CFAP77: variants seen among roughly 807,000 people sequenced by gnomAD.
CFAP77 encodes cilia- and flagella-associated protein 77.
In CFAP77, 25 loss-of-function variants were observed where a neutral mutation model predicts 31.1. The observed-to-expected ratio is 0.80, with a 90% CI of 0.59 to 1.12. The LOEUF (loss-of-function observed/expected upper bound fraction) is 1.12, where lower values mean the gene tolerates loss of function less well. Among genes scored for constraint, CFAP77 ranks in the 50% most tolerant of loss-of-function variants. The pLI, the probability that CFAP77 is intolerant of heterozygous loss-of-function variation, is 0.00. For missense variants in CFAP77, 377 were observed against 397.3 expected (o/e 0.95, Z 0.44); for synonymous variants, 151 against 159.9 (o/e 0.94, Z 0.42).
At chr9:132,532,176 G>A (rs528096850) in intron 3 of CFAP77, among the ~76,000 whole-genome samples, 17 of 152,332 alleles carry the variant, frequency 1.1e-4, no homozygotes, top group East Asian at 3.9e-4. Context: ...GCGCAGGGGC[G>A]GCAGCTGGAA....
At position 132,565,524 on chromosome 9, in the gene CFAP77, G is replaced by A. The variant is rs1279237249; in HGVS notation, c.733-6864G>A. On this transcript the variant is annotated intron_variant, in intron 5 of 5. Coordinates refer to ENST00000393216, the MANE Select transcript of CFAP77 (RefSeq NM_001282957.2). The surrounding 1 kb of genome is among the most constrained non-coding windows in gnomAD (Gnocchi z 4.1). ...CAGACACCTGTAATCCCAGCTACTC[G>A]GGAGGCTGAGGAAGGAGGATCGCTT... Among the ~76,000 whole-genome samples, 3 of 152,010 alleles carry A rather than the reference G, an allele frequency of 2.0e-5. No individual in the cohort carries two copies. The highest frequency in any genetic ancestry group is 6.6e-5 in the Admixed American group (1 of 15,258).
At chr9:132,447,599 G>A (rs973131398) in intron 1 of CFAP77, among the ~76,000 whole-genome samples, 4 of 152,332 alleles carry the variant, frequency 2.6e-5, no homozygotes, top group African/African-American at 7.2e-5. Flanking sequence ...CGGTCGGTCC[G>A]CGTAGATCAG....
chr9:132,457,174 G>A (rs1401396288), intron 1 of CFAP77, among the ~76,000 whole-genome samples: 1 of 151,982 alleles, frequency 6.6e-6, no homozygotes, highest in East Asian at 1.9e-4. Context: ...TGAGGCCAAG[G>A]TTTGCGTATT....
rs536357463 is a variant in CFAP77 at position 132,490,556 on chromosome 9, C to T, written c.196-8139C>T. ...CTTCTAGAAGGCCCCACTGGACAAG[C>T]TGGGGAGGGAGGCCAAGGGTCAGCG... On this transcript the variant is annotated intron_variant, in intron 1 of 5. Coordinates refer to ENST00000393216, the MANE Select transcript of CFAP77 (RefSeq NM_001282957.2). This position sits in a 1 kb window ranked among gnomAD's most constrained non-coding sequence, Gnocchi z 4.6. 6.6e-6 allele frequency among the ~76,000 whole-genome samples: 1 copy of T among 152,276 alleles called. No homozygotes were observed. The highest frequency in any genetic ancestry group is 1.5e-5 in the Non-Finnish European group (1 of 68,004).
chr9:132,543,509 G>A (rs1174890223), intron 5 of CFAP77, among the ~76,000 whole-genome samples: 1 of 151,416 alleles, frequency 6.6e-6, no homozygotes, highest in African/African-American at 2.4e-5. Flanking sequence ...CTGGGGCAGA[G>A]GCTGTTCACC....
At chr9:132,504,086 C>T (rs890393666) in intron 3 of CFAP77, among the ~76,000 whole-genome samples, 8 of 152,258 alleles carry the variant, frequency 5.3e-5, no homozygotes, top group Admixed American at 5.2e-4. Flanking sequence ...CTTGTGATCA[C>T]CTGGTTCAAA....
chr9:132,495,825 C>T lies in CFAP77; in HGVS notation c.196-2870C>T, dbSNP rs959069056. Among the ~76,000 whole-genome samples the T allele has an allele frequency of 6.6e-6, 1 of 152,190 alleles. No homozygotes were observed. The highest frequency in any genetic ancestry group is 2.4e-5 in the African/African-American group (1 of 41,438). ...CTTAAATGAAGAGGAAGAAAGCTAA[C>T]TCTATCTCTGCTCTCTGCCACGTGA... On this transcript the variant is annotated intron_variant, in intron 1 of 5. Transcript: ENST00000393216. The surrounding 1 kb of genome is among the most constrained non-coding windows in gnomAD (Gnocchi z 4.2).
rs1217734145 is a variant in CFAP77 at position 132,499,797 on chromosome 9, G to A, written c.524+197G>A. Among the ~76,000 whole-genome samples, 1 of 152,090 alleles carries A rather than the reference G, an allele frequency of 6.6e-6. No individual in the cohort carries two copies. Among genetic ancestry groups the A allele is most frequent in the Non-Finnish European group, 1.5e-5 (1 of 68,014 alleles). ...AGCTGGGTCCTGGCCTTATAGCAGG[G>A]TACCCTGTAGGGCTGTGCACAGGTC... is the stretch of plus-strand genomic sequence containing the variant. On this transcript the variant is annotated intron_variant, in intron 3 of 5. Coordinates refer to ENST00000393216, the MANE Select transcript of CFAP77 (RefSeq NM_001282957.2). This position sits in a 1 kb window ranked among gnomAD's most constrained non-coding sequence, Gnocchi z 5.4.
rs117406499 is a variant in CFAP77 at position 132,488,607 on chromosome 9, C to T, written c.196-10088C>T. ...GTGAAGCTCCAGGTCTAGAGACCTT[C>T]GTTCCTGGGTCCCAGGTAGCTTCGG... is the stretch of plus-strand genomic sequence containing the variant. On this transcript the variant is annotated intron_variant, in intron 1 of 5. Transcript: ENST00000393216. Among the ~76,000 whole-genome samples the T allele has an allele frequency of 1.5e-4, 23 of 152,348 alleles. No individual in the cohort carries two copies. In the East Asian group the frequency reaches 2.5e-3, roughly 17 times the overall value.
rs115813011 is a variant in CFAP77 at position 132,479,021 on chromosome 9, T to C, written c.196-19674T>C. On this transcript the variant is annotated intron_variant, in intron 1 of 5. Coordinates refer to ENST00000393216, the MANE Select transcript of CFAP77 (RefSeq NM_001282957.2). ...AGTTGCACCAAATCTGTCTATTTTA[T>C]AAGTTGGATCAAGACCATCGCTGGA... 1.9e-3 allele frequency among the ~76,000 whole-genome samples: 292 copies of C among 152,354 alleles called. 4 individuals are homozygous for C. Among genetic ancestry groups the C allele is most frequent in the African/African-American group, 6.6e-3 (276 of 41,574 alleles).
At chr9:132,548,781 A>C (rs1224208862) in intron 5 of CFAP77, among the ~76,000 whole-genome samples, 1 of 149,546 alleles carries the variant, frequency 6.7e-6, no homozygotes, top group African/African-American at 2.5e-5. Flanking sequence ...CCAACATTAC[A>C]TAGTCGTTCA....
At chr9:132,437,629 C>T (rs1323436659) in intron 1 of CFAP77, among the ~76,000 whole-genome samples, 1 of 151,168 alleles carries the variant, frequency 6.6e-6, no homozygotes, top group Non-Finnish European at 1.5e-5. Context: ...CCTGCCTCAG[C>T]CTCCCGAGTA....
In CFAP77 at chr9:132,572,820, A is replaced by G. The variant is rs1208287376; in HGVS notation, c.*310A>G. On this transcript the variant is annotated 3_prime_UTR_variant, in exon 6 of 6. Transcript: ENST00000393216. ...CCTGCCAAGACAAGCCCAAATTACAAGACAATTTTTTAGACTCCAGGCTAA... is the reference window on the plus strand; with the variant it reads ...CCTGCCAAGACAAGCCCAAATTACAGGACAATTTTTTAGACTCCAGGCTAA... The G allele has an allele frequency of 7.8e-6, 3 of 382,414 alleles. No individual in the cohort carries two copies. In the East Asian group the frequency reaches 1.3e-4, roughly 17 times the overall value. The allele number at this position is 382,414 out of a possible 1,614,324, so 23.7% of individuals were successfully genotyped here.
At chr9:132,459,587 GTATA>G (rs35659490) in intron 1 of CFAP77, among the ~76,000 whole-genome samples, 37 of 151,590 alleles carry the variant, frequency 2.4e-4, no homozygotes, top group Admixed American at 1.4e-3. Flanking sequence ...GTATGTGTAT[GTATA>G]TATATATGCC....
intron 1 of CFAP77, among the ~76,000 whole-genome samples, chr9:132,416,739 G>A (rs1250045520): frequency 6.6e-6 from 1 of 151,364 alleles, no homozygotes; most frequent in Non-Finnish European, 1.5e-5. Context: ...CTGGGTTCAA[G>A]TGATTCTCCT....
chr9:132,498,280 T>C lies in CFAP77; in HGVS notation c.196-415T>C, dbSNP rs1278835569. Among the ~76,000 whole-genome samples, 2 of 152,026 alleles carry C rather than the reference T, an allele frequency of 1.3e-5. No homozygotes were observed. The highest frequency in any genetic ancestry group is 3.9e-4 in the East Asian group (2 of 5,180). ...GGTATGAGGAAGGTGGGAATGAAGGTAGGAAAGATGTCTCCTTCCTTCGAC... is the reference window on the plus strand; with the variant it reads ...GGTATGAGGAAGGTGGGAATGAAGGCAGGAAAGATGTCTCCTTCCTTCGAC... On this transcript the variant is annotated intron_variant, in intron 1 of 5. Transcript: ENST00000393216. The surrounding 1 kb of genome is among the most constrained non-coding windows in gnomAD (Gnocchi z 4.2).
At chr9:132,419,067 T>C (rs1336007764) in intron 1 of CFAP77, among the ~76,000 whole-genome samples, 1 of 152,202 alleles carries the variant, frequency 6.6e-6, no homozygotes, top group Non-Finnish European at 1.5e-5. Flanking sequence ...CTGACAGACA[T>C]GGGTCAATGA....
Position 132,499,693 on chromosome 9 carries a change from G to A in CFAP77, c.524+93G>A, listed in dbSNP as rs1851810955. On this transcript the variant is annotated intron_variant, in intron 3 of 5. Coordinates refer to ENST00000393216, the MANE Select transcript of CFAP77 (RefSeq NM_001282957.2). The surrounding 1 kb of genome is among the most constrained non-coding windows in gnomAD (Gnocchi z 5.4). ...GGTCGGAGGGTGACAGGGAAGTGGA[G>A]CATCCTCCCAGCCCCACTGTCCTCT... 4.4e-6 allele frequency: 5 copies of A among 1,125,580 alleles called. No individual in the cohort carries two copies. The highest frequency in any genetic ancestry group is 2.4e-5 in the East Asian group (1 of 41,068). 69.7% of individuals were successfully genotyped at this position (1,125,580 alleles called of 1,614,324 possible).
chr9:132,434,682 C>T (rs180814222), intron 1 of CFAP77, among the ~76,000 whole-genome samples: 6 of 152,090 alleles, frequency 3.9e-5, no homozygotes, highest in African/African-American at 1.4e-4. Context: ...AATTGAAACA[C>T]GATTCATATC....
Sources: allele counts gnomAD v4.1 joint callset (sites outside exome capture counted in the v4.1 genomes callset), GRCh38; gene constraint gnomAD v4.1.1; non-coding constraint Gnocchi (gnomAD v3.1); transcripts MANE v1.5; gene names NCBI Gene and HGNC (gene_info 2026-07-23, HGNC 2026-07-21).